The following KDM4B variants were observed in gnomAD, a reference collection of about 807,000 sequenced individuals.
KDM4B encodes the protein lysine-specific demethylase 4B.
In KDM4B, 32 loss-of-function variants were observed where a neutral mutation model predicts 125.2. The ratio of observed to expected loss-of-function variants is 0.26; its 90% CI spans 0.19 to 0.34. The LOEUF is 0.34. Among genes scored for constraint, KDM4B ranks in the 10% least tolerant of loss-of-function variants. The pLI is 1.00. For missense variants in KDM4B, 1,190 were observed against 1,577.7 expected (o/e 0.75, Z 4.16); for synonymous variants, 721 against 677.9 (o/e 1.06, Z -0.99).
intron 3 of KDM4B, 49 bp downstream of exon 3, chr19:5,033,080 G>T: frequency 1.3e-6 from 2 of 1,592,494 alleles, no homozygotes; most frequent in Non-Finnish European, 1.7e-6. Context: ...CCTGCGCCGC[G>T]GGCCTGCGGA....
rs2038173256 is a variant in KDM4B at position 5,078,019 on chromosome 19, G to A, written c.780+549G>A. 6.5e-6 allele frequency: 1 copy of A among 154,732 alleles called. No homozygotes were observed. Among genetic ancestry groups the A allele is most frequent in the Non-Finnish European group, 1.4e-5 (1 of 69,808 alleles). 9.6% of individuals were successfully genotyped at this position (154,732 alleles called of 1,614,324 possible). The stretch of plus-strand genomic sequence containing the variant: ...ACTGCTTCAGGGGCTGCTGGTGGAG[G>A]CTGTGATGGAGGAGACCTGAGGCCG... On this transcript the variant is annotated intron_variant, in intron 8 of 22. Transcript: ENST00000159111. The surrounding 1 kb of genome is among the most constrained non-coding windows in gnomAD (Gnocchi z 4.5).
At position 5,134,080 on chromosome 19, in the gene KDM4B, C is replaced by T. The variant is rs1214593020; in HGVS notation, c.2085+19C>T. The T allele has an allele frequency of 5.1e-6, 8 of 1,571,922 alleles. No individual in the cohort carries two copies. The highest frequency in any genetic ancestry group is 1.8e-4 in the Middle Eastern group (1 of 5,504). ...CTGCCAGGTGGGCAGGCGGGCCTCA[C>T]GGGTCCCAGAGAACCCCAGGCAGGG... On this transcript the variant is annotated intron_variant, in intron 14 of 22. Transcript: ENST00000159111.
intron 6 of KDM4B, among the ~76,000 whole-genome samples, chr19:5,053,788 A>C (rs1349952737): frequency 6.6e-6 from 1 of 152,238 alleles, no homozygotes; most frequent in Non-Finnish European, 1.5e-5. Context: ...GCTACGCCTG[A>C]GTAGTAGTTG....
rs151023792 is a variant in KDM4B, at chr19:5,039,753, C to T, written c.142-83C>T. ...TGCAGATCTTGGGGGGTGCTGGTCTCTGGGGAGCCGGTGGCACAGTCTGCT... is the reference window on the plus strand; with the variant it reads ...TGCAGATCTTGGGGGGTGCTGGTCTTTGGGGAGCCGGTGGCACAGTCTGCT... On this transcript the variant is annotated intron_variant, in intron 3 of 22. Transcript: ENST00000159111. The T allele has an allele frequency of 1.8e-4, 265 of 1,475,826 alleles. No individual in the cohort carries two copies. In the African/African-American group the frequency reaches 3.5e-3, roughly 19 times the overall value. 91.4% of individuals were successfully genotyped at this position (1,475,826 alleles called of 1,614,324 possible).
chr19:5,021,800 A>G (rs2036129909), intron 2 of KDM4B, among the ~76,000 whole-genome samples: 2 of 151,798 alleles, frequency 1.3e-5, no homozygotes, highest in Non-Finnish European at 2.9e-5. Context: ...TGCCCGGCTA[A>G]TTTTTGTATT....
At chr19:5,049,756 C>T (rs1218445486) in intron 6 of KDM4B, among the ~76,000 whole-genome samples, 1 of 152,112 alleles carries the variant, frequency 6.6e-6, no homozygotes, top group Non-Finnish European at 1.5e-5. Flanking sequence ...TCAGTCCTCC[C>T]CAGCAGATGG....
chr19:5,053,566 C>G (rs1421716195), intron 6 of KDM4B, among the ~76,000 whole-genome samples: 1 of 152,248 alleles, frequency 6.6e-6, no homozygotes, highest in Non-Finnish European at 1.5e-5. Flanking sequence ...TCAGCACTTC[C>G]TCCCTGGCTC....
intron 9 of KDM4B, among the ~76,000 whole-genome samples, chr19:5,103,823 C>T (rs2613741): frequency 5.8e-4 from 89 of 152,284 alleles, no homozygotes; most frequent in African/African-American, 2.0e-3. Flanking sequence ...CTGTGAGGCT[C>T]GCTCCACACC....
In KDM4B at chr19:4,971,607, G is replaced by C. The variant is rs1280041372; in HGVS notation, c.-109+2377G>C. 6.6e-6 allele frequency among the ~76,000 whole-genome samples: 1 copy of C among 152,188 alleles called. No homozygotes were observed. The highest frequency in any genetic ancestry group is 1.9e-4 in the East Asian group (1 of 5,194). On this transcript the variant is annotated intron_variant, in intron 1 of 22. Coordinates refer to ENST00000159111, the MANE Select transcript of KDM4B (RefSeq NM_015015.3). This position sits in a 1 kb window ranked among gnomAD's most constrained non-coding sequence, Gnocchi z 4.1. ...TTTCCAGTGCCGAGTGCCATGCCGGGACAGGTTGGGAGGAGTCCCTGGCTC... is the reference window on the plus strand; with the variant it reads ...TTTCCAGTGCCGAGTGCCATGCCGGCACAGGTTGGGAGGAGTCCCTGGCTC...
In KDM4B at chr19:5,082,922, C is replaced by G. The variant is rs977817338; in HGVS notation, c.918+418C>G. Among the ~76,000 whole-genome samples the G allele has an allele frequency of 6.6e-6, 1 of 152,188 alleles. No individual in the cohort carries two copies. Among genetic ancestry groups the G allele is most frequent in the Non-Finnish European group, 1.5e-5 (1 of 68,030 alleles). On this transcript the variant is annotated intron_variant, in intron 9 of 22. Coordinates refer to ENST00000159111, the MANE Select transcript of KDM4B (RefSeq NM_015015.3). The surrounding 1 kb of genome is among the most constrained non-coding windows in gnomAD (Gnocchi z 5.4). ...GGGGTTGGGTTGTTTGCTGACATCT[C>G]TCTCCTGGGGGCCGCTTGGCCAGGC...
Position 5,041,268 on chromosome 19 carries a change from G to A in KDM4B, c.432+17G>A, listed in dbSNP as rs372426554. ...TATGATGACGTAAGTATGAGGCTCC[G>A]GGGAAGAACAGGGACCAGCTTCCTG... On this transcript the variant is annotated intron_variant, in intron 5 of 22. Transcript: ENST00000159111. 68 of 1,591,298 alleles carry A rather than the reference G, an allele frequency of 4.3e-5. No individual in the cohort carries two copies. The highest frequency in any genetic ancestry group is 2.3e-4 in the South Asian group (21 of 90,486).
Position 5,150,411 on chromosome 19 carries a change from C to T in KDM4B, c.3075C>T (p.Thr1025=), listed in dbSNP as rs1455502287. ...QLTVKRGDIF[T]LEEELPKRVR... Reference sequence around the variant, plus strand: ...CGGTGAAGCGTGGGGACATCTTCACCCTGGAGGAGGAGCTGCCCAAGAGGG... The same window carrying T: ...CGGTGAAGCGTGGGGACATCTTCACTCTGGAGGAGGAGCTGCCCAAGAGGG... The change falls in exon 22 of 23, where the codon ACC becomes ACT. Residue 1025 remains threonine, a synonymous_variant. Transcript: ENST00000159111. 4 of 1,551,298 alleles carry T rather than the reference C, an allele frequency of 2.6e-6. 1 individual carries two copies. The Admixed American group carries it at 5.9e-5, about 23-fold the overall frequency.
At chr19:5,111,290 T>C in intron 10 of KDM4B, 1 of 708,414 alleles carries the variant, frequency 1.4e-6, no homozygotes, top group East Asian at 2.5e-5. Flanking sequence ...GGGCATCAGG[T>C]GGGGCTGCTT....
At chr19:5,066,571 T>C (rs1353744049) in intron 6 of KDM4B, among the ~76,000 whole-genome samples, 2 of 152,342 alleles carry the variant, frequency 1.3e-5, no homozygotes, top group East Asian at 3.9e-4. Context: ...TCCCATTGTT[T>C]TATTTTCTCA....
At chr19:5,111,065 G>A (rs1351129908) in intron 10 of KDM4B, among the ~76,000 whole-genome samples, 3 of 152,148 alleles carry the variant, frequency 2.0e-5, no homozygotes, top group South Asian at 2.1e-4. Context: ...GGCGGGCAGC[G>A]TCTGTGCCGT....
intron 22 of KDM4B, among the ~76,000 whole-genome samples, chr19:5,150,833 C>G (rs1005803496): frequency 6.6e-6 from 1 of 152,198 alleles, no homozygotes; most frequent in Non-Finnish European, 1.5e-5. Flanking sequence ...AGGCGAAGTA[C>G]GGGCACCCCA....
intron 1 of KDM4B, among the ~76,000 whole-genome samples, chr19:4,994,020 G>GTTTTTTTTTTTTTTTTTT (rs55641886): frequency 3.0e-5 from 2 of 66,710 alleles, no homozygotes; most frequent in African/African-American, 6.6e-5. Flanking sequence ...TTTTCAGCCT[G>GTTTTTTTTTTTTTTTTTT]TTTTTTTTTT....
intron 5 of KDM4B, among the ~76,000 whole-genome samples, chr19:5,044,889 T>C (rs1022359078): frequency 1.3e-5 from 2 of 152,154 alleles, no homozygotes; most frequent in Non-Finnish European, 2.9e-5. Flanking sequence ...GACCAAGCAA[T>C]AGGTGTTCAA....
At chr19:5,003,482 A>C (rs1266415053) in intron 1 of KDM4B, among the ~76,000 whole-genome samples, 1 of 140,260 alleles carries the variant, frequency 7.1e-6, no homozygotes, top group Non-Finnish European at 1.5e-5. Context: ...ACTCTGTCTC[A>C]AAATAAACAA....
Sources: gnomAD v4.1 joint callset for allele counts (sites outside exome capture counted in the v4.1 genomes callset) on GRCh38, gnomAD v4.1.1 for gene constraint, Gnocchi (gnomAD v3.1) non-coding constraint, MANE v1.5 for transcripts, NCBI Gene and HGNC (gene_info 2026-07-23, HGNC 2026-07-21) for gene names.